Variants in SPMIP4 observed in about 807,000 individuals in gnomAD.
The protein encoded by SPMIP4 is sperm-associated microtubule inner protein 4.
chr7:25,129,674 G>A, the SPMIP4 span, among the ~76,000 whole-genome samples: 3 of 151,856 alleles, frequency 2.0e-5, no homozygotes, highest in Non-Finnish European at 4.4e-5. Flanking sequence ...TTCCTATGTC[G>A]GGGGCAATTC....
chr7:25,158,393 C>G, the SPMIP4 span: 8 of 419,618 alleles, frequency 1.9e-5, no homozygotes, highest in Non-Finnish European at 3.2e-5. Flanking sequence ...AAAAAAGAAA[C>G]GTTTTCATGG....
chr7:25,173,445 A>G, the SPMIP4 span, among the ~76,000 whole-genome samples: 11 of 152,232 alleles, frequency 7.2e-5, no homozygotes, highest in African/African-American at 1.4e-4. This position sits in a 1 kb window ranked among gnomAD's most constrained non-coding sequence, Gnocchi z 4.4. Context: ...TTGCCCCACA[A>G]TGGCAGAGTT....
At chr7:25,172,633 A>G in the SPMIP4 span, among the ~76,000 whole-genome samples, 1 of 152,168 alleles carries the variant, frequency 6.6e-6, no homozygotes, top group Non-Finnish European at 1.5e-5. The surrounding 1 kb of genome is among the most constrained non-coding windows in gnomAD (Gnocchi z 4.2). Context: ...AAGTGGAACC[A>G]GGAACCCAAA....
At chr7:25,158,368 CAAAAAAAAAA>C in the SPMIP4 span, 1 of 298,654 alleles carries the variant, frequency 3.3e-6, no homozygotes. Context: ...GACTCTGTCT[CAAAAAAAAAA>C]AAAAAAAAAA....
chr7:25,165,930 G>A, the SPMIP4 span, among the ~76,000 whole-genome samples: 625 of 152,206 alleles, frequency 4.1e-3, 9 homozygotes, highest in African/African-American at 0.015. Flanking sequence ...GGAACACCCC[G>A]CTTCCCAGCC....
chr7:25,135,269 T>C, the SPMIP4 span: 1 of 953,820 alleles, frequency 1.0e-6, no homozygotes, highest in Admixed American at 6.2e-5. Context: ...AGATCTTCAG[T>C]AAAATAATTT....
the SPMIP4 span, chr7:25,136,309 G>T: frequency 4.3e-6 from 7 of 1,614,124 alleles, no homozygotes; most frequent in Non-Finnish European, 5.9e-6. This position sits in a 1 kb window ranked among gnomAD's most constrained non-coding sequence, Gnocchi z 5.7. Flanking sequence ...AACAGGGTCT[G>T]GACACATATT....
At chr7:25,167,445 A>C in the SPMIP4 span, among the ~76,000 whole-genome samples, 1 of 152,242 alleles carries the variant, frequency 6.6e-6, no homozygotes, top group East Asian at 1.9e-4. Flanking sequence ...GAATGAATGA[A>C]TGTGAGGTCC....
chr7:25,148,099 G>A, the SPMIP4 span, among the ~76,000 whole-genome samples: 1 of 152,166 alleles, frequency 6.6e-6, no homozygotes, highest in African/African-American at 2.4e-5. Flanking sequence ...GGAGGGAGAA[G>A]ACTATTATCC....
the SPMIP4 span, among the ~76,000 whole-genome samples, chr7:25,149,787 G>C: frequency 1.3e-5 from 2 of 152,154 alleles, no homozygotes. Flanking sequence ...TCTTTCATAT[G>C]ATCCTCTTAT....
At chr7:25,147,950 T>C in the SPMIP4 span, among the ~76,000 whole-genome samples, 14 of 152,210 alleles carry the variant, frequency 9.2e-5, no homozygotes, top group Non-Finnish European at 7.3e-5. Flanking sequence ...CAGTATGTTA[T>C]ACATATTTTC....
At chr7:25,159,415 TC>T in the SPMIP4 span, among the ~76,000 whole-genome samples, 1 of 152,166 alleles carries the variant, frequency 6.6e-6, no homozygotes, top group Non-Finnish European at 1.5e-5. Flanking sequence ...CAAGAAATAA[TC>T]CTGTAGCCCT....
the SPMIP4 span, among the ~76,000 whole-genome samples, chr7:25,173,404 T>C: frequency 6.6e-6 from 1 of 152,380 alleles, no homozygotes; most frequent in East Asian, 1.9e-4. The surrounding 1 kb of genome is among the most constrained non-coding windows in gnomAD (Gnocchi z 4.4). Flanking sequence ...CATTCATTTA[T>C]GGACTATATA....
At chr7:25,136,777 G>A in the SPMIP4 span, 30 of 1,608,182 alleles carry the variant, frequency 1.9e-5, no homozygotes, top group African/African-American at 3.5e-4. This position sits in a 1 kb window ranked among gnomAD's most constrained non-coding sequence, Gnocchi z 5.7. Flanking sequence ...TTTGAAGACA[G>A]GGTGGAATTT....
At chr7:25,138,944 G>T in the SPMIP4 span, among the ~76,000 whole-genome samples, 2 of 152,266 alleles carry the variant, frequency 1.3e-5, no homozygotes, top group Admixed American at 6.5e-5. This position sits in a 1 kb window ranked among gnomAD's most constrained non-coding sequence, Gnocchi z 6.2. Context: ...TGGTAACTGC[G>T]AAAGTAGTGA....
the SPMIP4 span, among the ~76,000 whole-genome samples, chr7:25,137,301 C>CTTTTTTTTTTTTTTTTTTTATTTTTTCT: frequency 1.6e-5 from 2 of 127,078 alleles, no homozygotes; most frequent in South Asian, 2.3e-4. Context: ...GCTGAATTTT[C>CTTTTTTTTTTTTTTTTTTTATTTTTTCT]TTTTTTTTTT....
At chr7:25,132,319 G>A in the SPMIP4 span, among the ~76,000 whole-genome samples, 1 of 152,152 alleles carries the variant, frequency 6.6e-6, no homozygotes, top group Non-Finnish European at 1.5e-5. The surrounding 1 kb of genome is among the most constrained non-coding windows in gnomAD (Gnocchi z 5.0). Context: ...TAAGCTTGGG[G>A]ATTTTTAGTC....
chr7:25,138,683 G>A, the SPMIP4 span, among the ~76,000 whole-genome samples: 2 of 152,190 alleles, frequency 1.3e-5, no homozygotes, highest in African/African-American at 4.8e-5. The surrounding 1 kb of genome is among the most constrained non-coding windows in gnomAD (Gnocchi z 6.2). Flanking sequence ...ATTTCTGGTT[G>A]GAATGTAAAG....
chr7:25,161,377 T>C, the SPMIP4 span: 11 of 477,858 alleles, frequency 2.3e-5, no homozygotes, highest in South Asian at 4.3e-4. Context: ...AAATTCAATA[T>C]ATGAAAAGGT....
Sources: gnomAD v4.1 joint callset for allele counts (sites outside exome capture counted in the v4.1 genomes callset) on GRCh38, gnomAD v4.1.1 for gene constraint, Gnocchi (gnomAD v3.1) non-coding constraint, MANE v1.5 for transcripts, NCBI Gene and HGNC (gene_info 2026-07-23, HGNC 2026-07-21) for gene names.